The following CLIC2 variants were observed in gnomAD, a reference collection of about 807,000 sequenced individuals.
CLIC2 encodes chloride intracellular channel protein 2.
Under a neutral mutation model 14.8 loss-of-function variants are expected in CLIC2, and 9 were observed. The ratio of observed to expected loss-of-function variants is 0.61; its 90% CI spans 0.37 to 1.06. The LOEUF is 1.06. Among genes scored for constraint, CLIC2 ranks in the 50% least tolerant of loss-of-function variants. CLIC2 has a pLI of 0.01. For missense variants in CLIC2, 148 were observed against 181.4 expected, an observed-to-expected ratio of 0.82 and a Z score of 1.06; for synonymous variants, 61 against 66.3, an observed-to-expected ratio of 0.92 and a Z score of 0.39.
intron 1 of CLIC2, among the ~76,000 whole-genome samples, chrX:155,320,145 G>C (rs781969600): frequency 8.1e-4 from 91 of 112,437 alleles, no homozygotes; most frequent in African/African-American, 2.2e-3. Context: ...AGCAGACTTA[G>C]ACGTTCCTGC....
At chrX:155,307,007 T>C (rs1344634004) in intron 1 of CLIC2, among the ~76,000 whole-genome samples, 1 of 111,819 alleles carries the variant, frequency 8.9e-6, no homozygotes, top group Non-Finnish European at 1.9e-5. Context: ...CTTGAGTTTA[T>C]TGGTGGACCC....
rs781985902 is a variant in CLIC2, at chrX:155,287,064, T to C, written c.294-6996A>G. 2.7e-5 allele frequency among the ~76,000 whole-genome samples: 3 copies of C among 112,403 alleles called. No individual in the cohort carries two copies. In the East Asian group the frequency reaches 8.4e-4, roughly 31 times the overall value. Reference sequence around the variant, plus strand: ...GCCTGTTCCTATGTCTAGGATGGCATTGCCTAGGTTGTCTTCTGGGTTTTT... The same window carrying C: ...GCCTGTTCCTATGTCTAGGATGGCACTGCCTAGGTTGTCTTCTGGGTTTTT... On this transcript the variant is annotated intron_variant, in intron 3 of 5. Coordinates refer to ENST00000369449, the MANE Select transcript of CLIC2 (RefSeq NM_001289.6).
chrX:155,299,450 C>T (rs1314953541), intron 1 of CLIC2, among the ~76,000 whole-genome samples: 1 of 111,170 alleles, frequency 9.0e-6, no homozygotes, highest in Non-Finnish European at 1.9e-5. Flanking sequence ...CAGAAACAAA[C>T]ATTTCTGGGC....
intron 1 of CLIC2, among the ~76,000 whole-genome samples, chrX:155,306,378 C>A (rs1277137237): frequency 4.5e-5 from 5 of 111,827 alleles, no homozygotes; most frequent in African/African-American, 1.6e-4. Context: ...TGATTGTAAG[C>A]TTCCTAAGGC....
intron 3 of CLIC2, among the ~76,000 whole-genome samples, chrX:155,289,921 C>G (rs1418693410): frequency 6.2e-5 from 7 of 112,128 alleles, no homozygotes; most frequent in African/African-American, 1.9e-4. Context: ...TGGCCTTTTC[C>G]GAGGCACACT....
intron 5 of CLIC2, 171 bp downstream of exon 5, chrX:155,278,978 G>T: frequency 2.1e-6 from 1 of 487,749 alleles, no homozygotes; most frequent in East Asian, 3.4e-5. Flanking sequence ...TCCCAGAAGA[G>T]AACATTATGG....
intron 1 of CLIC2, among the ~76,000 whole-genome samples, chrX:155,304,557 A>G (rs1288135615): frequency 1.1e-3 from 104 of 94,540 alleles, no homozygotes; most frequent in African/African-American, 3.6e-3. Flanking sequence ...TAATTTGATC[A>G]TCTGAAGCCT....
At chrX:155,321,842 C>T (rs1244261261) in intron 1 of CLIC2, among the ~76,000 whole-genome samples, 1 of 109,679 alleles carries the variant, frequency 9.1e-6, no homozygotes, top group Non-Finnish European at 1.9e-5. Flanking sequence ...CACACATAGG[C>T]TCAAAATAAA....
chrX:155,334,295 A>G (rs2075166732), intron 1 of CLIC2, 76 bp downstream of exon 1: 3 of 820,233 alleles, frequency 3.7e-6, no homozygotes, highest in Middle Eastern at 3.8e-4. Flanking sequence ...AAATGTGGAG[A>G]ATTTTTAAAG....
chrX:155,307,697 C>G (rs372854702), intron 1 of CLIC2, among the ~76,000 whole-genome samples: 8 of 110,632 alleles, frequency 7.2e-5, no homozygotes, highest in African/African-American at 2.6e-4. Flanking sequence ...CCAGCCTGAG[C>G]AACATGATGA....
In CLIC2 at chrX:155,277,742, A is replaced by T; in HGVS notation, c.*161T>A. On this transcript the variant is annotated 3_prime_UTR_variant, in exon 6 of 6. Coordinates refer to ENST00000369449, the MANE Select transcript of CLIC2 (RefSeq NM_001289.6). ...TATGAAGACCTGTAAAATACAGTGG[A>T]CAGATTATTTATGGCTAATAGAAAA... is the stretch of plus-strand genomic sequence containing the variant. The T allele has an allele frequency of 4.2e-6, 2 of 473,195 alleles. No individual in the cohort carries two copies. The highest frequency in any genetic ancestry group is 7.2e-6 in the Non-Finnish European group (2 of 279,524). 39.0% of individuals were successfully genotyped at this position (473,195 alleles called of 1,213,427 possible).
At chrX:155,326,959 G>C (rs1396337390) in intron 1 of CLIC2, among the ~76,000 whole-genome samples, 1 of 111,512 alleles carries the variant, frequency 9.0e-6, no homozygotes, top group Non-Finnish European at 1.9e-5. Flanking sequence ...GCTTTAAAAG[G>C]GCAACACGGA....
intron 1 of CLIC2, among the ~76,000 whole-genome samples, chrX:155,318,874 T>C (rs1357173107): frequency 6.3e-5 from 7 of 111,971 alleles, no homozygotes; most frequent in African/African-American, 2.3e-4. Flanking sequence ...CATAGACCAA[T>C]GGAACTGAAT....
intron 3 of CLIC2, chrX:155,293,189 AC>A: frequency 2.6e-6 from 2 of 766,784 alleles, no homozygotes; most frequent in Middle Eastern, 3.3e-4. Context: ...AGCTCTCCTG[AC>A]AGCCAGGAGG....
intron 1 of CLIC2, among the ~76,000 whole-genome samples, chrX:155,314,390 G>A (rs1038325742): frequency 2.7e-5 from 3 of 112,416 alleles, no homozygotes; most frequent in Non-Finnish European, 5.6e-5. Context: ...AAGACATGAA[G>A]ATGGGTCATA....
intron 1 of CLIC2, among the ~76,000 whole-genome samples, chrX:155,307,266 A>T (rs1471489376): frequency 9.0e-6 from 1 of 111,348 alleles, no homozygotes; most frequent in African/African-American, 3.3e-5. Context: ...TCCCTGAGGA[A>T]GTAGCATTTA....
At chrX:155,312,133 T>C (rs967507263) in intron 1 of CLIC2, among the ~76,000 whole-genome samples, 2 of 112,271 alleles carry the variant, frequency 1.8e-5, no homozygotes, top group South Asian at 3.7e-4. Context: ...ACTGTGTTGA[T>C]AGTTTCTTTT....
At chrX:155,321,681 T>C (rs910017060) in intron 1 of CLIC2, among the ~76,000 whole-genome samples, 1 of 102,571 alleles carries the variant, frequency 9.7e-6, no homozygotes, top group Non-Finnish European at 2.0e-5. Flanking sequence ...ACTAGCATCA[T>C]AATGACAGGA....
At chrX:155,292,897 C>T (rs1384293195) in intron 3 of CLIC2, 33 of 1,009,156 alleles carry the variant, frequency 3.3e-5, no homozygotes, top group South Asian at 2.1e-4. Flanking sequence ...CCAGGTGCCT[C>T]AAGGGAAGTA....
Sources: allele counts gnomAD v4.1 joint callset (sites outside exome capture counted in the v4.1 genomes callset), GRCh38; gene constraint gnomAD v4.1.1; transcripts MANE v1.5; gene names NCBI Gene and HGNC (gene_info 2026-07-23, HGNC 2026-07-21).